NHS: variants seen among roughly 807,000 people sequenced by gnomAD.
The protein encoded by NHS is NHS actin remodeling regulator.
Under a neutral mutation model 72.5 loss-of-function variants are expected in NHS, and 5 were observed. The observed-to-expected ratio is 0.07, with a 90% CI of 0.04 to 0.14. The LOEUF is 0.14. NHS is among the 10% of genes least tolerant of loss of function. NHS has a pLI of 1.00. For synonymous variants in NHS, 464 were observed against 547.7 expected (o/e 0.85, Z 2.13); for missense variants, 1,072 against 1,355.7 (o/e 0.79, Z 3.29).
intron 1 of NHS, among the ~76,000 whole-genome samples, chrX:17,598,648 C>T (rs1232459629): frequency 1.8e-5 from 2 of 111,771 alleles, no homozygotes; most frequent in Non-Finnish European, 3.8e-5. Context: ...ATGCAGCTTA[C>T]AGGTGGTAAA....
At chrX:17,584,434 A>T (rs148718680) in intron 1 of NHS, among the ~76,000 whole-genome samples, 1 of 111,678 alleles carries the variant, frequency 9.0e-6, no homozygotes, top group Non-Finnish European at 1.9e-5. Context: ...TGGGCCTCCT[A>T]TTGGTGTTTG....
At chrX:17,512,247 TA>T (rs772960559) in intron 1 of NHS, among the ~76,000 whole-genome samples, 4 of 111,833 alleles carry the variant, frequency 3.6e-5, no homozygotes, top group East Asian at 2.8e-4. Context: ...TAAATGAGAT[TA>T]GGGGGCACAA....
chrX:17,607,819 C>A (rs1056594853), intron 1 of NHS, among the ~76,000 whole-genome samples: 1 of 110,150 alleles, frequency 9.1e-6, no homozygotes, highest in African/African-American at 3.3e-5. Flanking sequence ...CTTCTCTAGT[C>A]GACAGTGCAG....
chrX:17,575,280 C>T (rs2065504232), intron 1 of NHS, among the ~76,000 whole-genome samples: 1 of 113,027 alleles, frequency 8.8e-6, no homozygotes, highest in Non-Finnish European at 1.9e-5. Context: ...CCTGCAAGGC[C>T]CTGCATGACC....
At chrX:17,710,744 T>C (rs2147128934) in intron 3 of NHS, among the ~76,000 whole-genome samples, 1 of 110,222 alleles carries the variant, frequency 9.1e-6, no homozygotes, top group South Asian at 3.8e-4. Flanking sequence ...GTGCTAACAT[T>C]AATAGATCTG....
intron 3 of NHS, among the ~76,000 whole-genome samples, chrX:17,711,839 A>G (rs1489760312): frequency 8.9e-6 from 1 of 111,938 alleles, no homozygotes; most frequent in East Asian, 2.8e-4. Context: ...CAATCTGTTT[A>G]TCCATTCTGC....
chrX:17,415,769 A>C (rs112761214), intron 1 of NHS, among the ~76,000 whole-genome samples: 2,092 of 111,782 alleles, frequency 0.019, 48 homozygotes, highest in African/African-American at 0.064. Flanking sequence ...GTCTGGACTG[A>C]GATTGGGATA....
chrX:17,399,221 C>A (rs1338441587), intron 1 of NHS, among the ~76,000 whole-genome samples: 2 of 110,845 alleles, frequency 1.8e-5, no homozygotes, highest in Admixed American at 9.6e-5. Flanking sequence ...CCTGCCTCAG[C>A]CTCCTGAGTA....
intron 1 of NHS, among the ~76,000 whole-genome samples, chrX:17,542,037 T>C (rs1298777606): frequency 1.8e-5 from 2 of 111,867 alleles, no homozygotes; most frequent in Non-Finnish European, 3.8e-5. Flanking sequence ...GAGAAAACAT[T>C]GAAAAACAAA....
intron 1 of NHS, chrX:17,686,808 G>T (rs968444006): frequency 9.0e-6 from 1 of 111,605 alleles, no homozygotes; most frequent in Non-Finnish European, 1.9e-5. Context: ...TGTCTGGAGG[G>T]TAAAGCAGAC....
chrX:17,728,862 G>A, intron 8 of NHS, 87 bp downstream of exon 8: 1 of 1,126,132 alleles, frequency 8.9e-7, no homozygotes, highest in Non-Finnish European at 1.2e-6. Flanking sequence ...GCAAATACAG[G>A]AAAGCTTTTT....
At chrX:17,658,381 G>A (rs1207091582) in intron 1 of NHS, among the ~76,000 whole-genome samples, 1 of 112,158 alleles carries the variant, frequency 8.9e-6, no homozygotes, top group Non-Finnish European at 1.9e-5. Flanking sequence ...GGGAATGTAA[G>A]GGCAAGCATT....
At chrX:17,724,699 G>A (rs1601856522) in intron 6 of NHS, among the ~76,000 whole-genome samples, 1 of 112,088 alleles carries the variant, frequency 8.9e-6, no homozygotes, top group East Asian at 2.8e-4. Flanking sequence ...TATTAAGGTA[G>A]AAATTGTGAA....
rs1453709132 is a variant in NHS at position 17,735,749 on chromosome X, A to G, written c.*3285A>G. On this transcript the variant is annotated 3_prime_UTR_variant, in exon 9 of 9. Coordinates refer to ENST00000676302, the MANE Select transcript of NHS (RefSeq NM_001291867.2). ...TGCATCCATTTTGTATTTTTGTAAT[A>G]TTTGTAAATATGAACTTTTTAAATT... The G allele has an allele frequency of 8.8e-6, 1 of 113,054 alleles. No individual in the cohort carries two copies. The highest frequency in any genetic ancestry group is 2.8e-4 in the East Asian group (1 of 3,630). 9.3% of individuals were successfully genotyped at this position (113,054 alleles called of 1,213,427 possible).
intron 1 of NHS, among the ~76,000 whole-genome samples, chrX:17,537,908 G>A (rs757401357): frequency 9.0e-6 from 1 of 111,728 alleles, no homozygotes; most frequent in Middle Eastern, 4.7e-3. Context: ...TGAGCAGATG[G>A]GGATCAGAGG....
chrX:17,426,449 G>A (rs1015682401), intron 1 of NHS, among the ~76,000 whole-genome samples: 1 of 111,899 alleles, frequency 8.9e-6, no homozygotes, highest in African/African-American at 3.2e-5. Flanking sequence ...TGTGTGACAG[G>A]AGATCACTAG....
At chrX:17,723,107 A>G (rs2066415444) in intron 5 of NHS, among the ~76,000 whole-genome samples, 1 of 112,289 alleles carries the variant, frequency 8.9e-6, no homozygotes, top group Admixed American at 9.4e-5. Context: ...GAAAAATTCC[A>G]TTAGTAAGAA....
At position 17,732,680 on chromosome X, in the gene NHS, T is replaced by C; in HGVS notation, c.*216T>C. 1 of 468,053 alleles carries C rather than the reference T, an allele frequency of 2.1e-6. No individual in the cohort carries two copies. Among genetic ancestry groups the C allele is most frequent in the Non-Finnish European group, 3.6e-6 (1 of 278,322 alleles). The allele number at this position is 468,053 out of a possible 1,213,427, so 38.6% of individuals were successfully genotyped here. A position where few individuals can be genotyped will look rare whatever the true frequency, so the allele number is the denominator to read the frequency against. On this transcript the variant is annotated 3_prime_UTR_variant, in exon 9 of 9. Coordinates refer to ENST00000676302, the MANE Select transcript of NHS (RefSeq NM_001291867.2). The stretch of plus-strand genomic sequence containing the variant: ...TATTTTAAGTAGCTGCAGTCTTTCA[T>C]GTTTTTCTTTAGCATAGTTTGATTT...
chrX:17,721,900 G>A (rs1332379851), intron 5 of NHS, among the ~76,000 whole-genome samples: 2 of 111,733 alleles, frequency 1.8e-5, no homozygotes, highest in Non-Finnish European at 3.8e-5. Flanking sequence ...ATAGCTGACT[G>A]AAATAATGGA....
Sources: allele counts gnomAD v4.1 joint callset (sites outside exome capture counted in the v4.1 genomes callset), GRCh38; gene constraint gnomAD v4.1.1; transcripts MANE v1.5; gene names NCBI Gene and HGNC (gene_info 2026-07-23, HGNC 2026-07-21).